Variants in GPC6 observed in about 807,000 individuals in gnomAD.
GPC6 encodes the protein glypican-6.
Under a neutral mutation model 55.2 loss-of-function variants are expected in GPC6, and 14 were observed. That is an observed-to-expected ratio of 0.25 (90% CI 0.17 to 0.40). The LOEUF (loss-of-function observed/expected upper bound fraction) is 0.40. Among genes scored for constraint, GPC6 ranks in the 10% least tolerant of loss-of-function variants. GPC6 has a pLI of 1.00. For missense variants in GPC6, 641 were observed against 708.5 expected (o/e 0.90, Z 1.08); for synonymous variants, 278 against 259.6 (o/e 1.07, Z -0.68).
chr13:93,322,567 G>A (rs1439687555), intron 1 of GPC6, among the ~76,000 whole-genome samples: 2 of 150,476 alleles, frequency 1.3e-5, no homozygotes, highest in Non-Finnish European at 2.9e-5. Context: ...CTTCCCAGTA[G>A]CTGGGATTAC....
intron 4 of GPC6, among the ~76,000 whole-genome samples, chr13:94,160,750 G>C (rs144461186): frequency 2.6e-5 from 4 of 151,950 alleles, no homozygotes; most frequent in African/African-American, 4.8e-5. Flanking sequence ...TTTTTTCTTC[G>C]TTTCGTTCAT....
chr13:93,886,621 G>A (rs1377635036), intron 3 of GPC6, among the ~76,000 whole-genome samples: 1 of 151,976 alleles, frequency 6.6e-6, no homozygotes, highest in East Asian at 1.9e-4. Context: ...CATTCATATT[G>A]AAACTGACCT....
At chr13:93,323,987 C>T (rs1879550929) in intron 1 of GPC6, among the ~76,000 whole-genome samples, 1 of 152,110 alleles carries the variant, frequency 6.6e-6, no homozygotes, top group South Asian at 2.1e-4. Context: ...GAGATATCTG[C>T]ACAACCATGT....
intron 2 of GPC6, among the ~76,000 whole-genome samples, chr13:93,750,998 G>A (rs1884561613): frequency 6.6e-6 from 1 of 152,070 alleles, no homozygotes; most frequent in South Asian, 2.1e-4. Flanking sequence ...GCAAAAGGAG[G>A]GAGGAAAGCA....
intron 2 of GPC6, among the ~76,000 whole-genome samples, chr13:93,603,396 T>G (rs1878106352): frequency 6.6e-6 from 1 of 152,244 alleles, no homozygotes; most frequent in Admixed American, 6.5e-5. Context: ...GTATTTCAAT[T>G]AGTTGTTTTA....
chr13:93,285,636 G>GTGTGTGTGTGTGTGTGTGTGTGTA, intron 1 of GPC6, among the ~76,000 whole-genome samples: 1 of 149,226 alleles, frequency 6.7e-6, no homozygotes, highest in South Asian at 2.1e-4. Context: ...GTGTGTGTGT[G>GTGTGTGTGTGTGTGTGTGTGTGTA]TGTGTGTGTG....
intron 1 of GPC6, among the ~76,000 whole-genome samples, chr13:93,244,549 C>G (rs1046485556): frequency 1.3e-5 from 2 of 152,230 alleles, no homozygotes; most frequent in African/African-American, 4.8e-5. Flanking sequence ...CTTCCTTCTG[C>G]CCCTCCTGGC....
intron 1 of GPC6, among the ~76,000 whole-genome samples, chr13:93,518,722 A>G (rs1477372198): frequency 3.3e-5 from 5 of 151,986 alleles, no homozygotes; most frequent in African/African-American, 1.2e-4. Context: ...GGTAAATGCA[A>G]TAGGGCCTTT....
At chr13:93,980,315 G>A (rs1427176782) in intron 3 of GPC6, among the ~76,000 whole-genome samples, 3 of 152,172 alleles carry the variant, frequency 2.0e-5, no homozygotes, top group Non-Finnish European at 4.4e-5. Context: ...ATTTGAACAA[G>A]GTATTGATTA....
intron 1 of GPC6, among the ~76,000 whole-genome samples, chr13:93,382,433 G>C (rs1229354747): frequency 6.6e-6 from 1 of 152,148 alleles, no homozygotes; most frequent in Admixed American, 6.5e-5. Context: ...CTTCATCATA[G>C]TTAATGTAGA....
At chr13:93,698,983 TAGG>T (rs1882576824) in intron 2 of GPC6, among the ~76,000 whole-genome samples, 1 of 152,078 alleles carries the variant, frequency 6.6e-6, no homozygotes, top group Non-Finnish European at 1.5e-5. Context: ...CTTCAAGAAC[TAGG>T]AGAACTGAAA....
chr13:93,231,397 GTATATATATATATATATATATATATACGT>G (rs1876043077), intron 1 of GPC6, among the ~76,000 whole-genome samples: 3 of 45,856 alleles, frequency 6.5e-5, no homozygotes, highest in African/African-American at 2.0e-4. Flanking sequence ...ATATATATAT[GTATATATATATATATATATATATATACGT>G]ATATATATAT....
At chr13:93,847,199 C>T (rs1294551070) in intron 3 of GPC6, among the ~76,000 whole-genome samples, 2 of 152,074 alleles carry the variant, frequency 1.3e-5, no homozygotes, top group Non-Finnish European at 2.9e-5. Context: ...GGTTGCAAGT[C>T]ATCATGGATG....
intron 4 of GPC6, among the ~76,000 whole-genome samples, chr13:94,049,914 C>T (rs1883880743): frequency 6.6e-6 from 1 of 152,070 alleles, no homozygotes; most frequent in Non-Finnish European, 1.5e-5. Flanking sequence ...CCATACTGTT[C>T]TTATGGTAGT....
chr13:93,635,696 C>T (rs890660666), intron 2 of GPC6, among the ~76,000 whole-genome samples: 1 of 152,162 alleles, frequency 6.6e-6, no homozygotes, highest in Non-Finnish European at 1.5e-5. Flanking sequence ...CATATATTTT[C>T]CTGGCATGAT....
At chr13:93,980,243 A>G (rs1880734382) in intron 3 of GPC6, among the ~76,000 whole-genome samples, 1 of 152,178 alleles carries the variant, frequency 6.6e-6, no homozygotes, top group Non-Finnish European at 1.5e-5. Context: ...CAAGGTATCC[A>G]CATGGCTCAG....
At chr13:93,852,517 A>G (rs1888440428) in intron 3 of GPC6, among the ~76,000 whole-genome samples, 1 of 151,754 alleles carries the variant, frequency 6.6e-6, no homozygotes, top group Non-Finnish European at 1.5e-5. Context: ...TTTGTGGTAC[A>G]ATATGTCTAA....
intron 1 of GPC6, among the ~76,000 whole-genome samples, chr13:93,300,996 G>A (rs1468478386): frequency 1.3e-5 from 2 of 151,744 alleles, no homozygotes; most frequent in Non-Finnish European, 2.9e-5. Flanking sequence ...TCCGGCCTTG[G>A]CAACCAGAGA....
At chr13:93,743,816 C>T (rs1377490541) in intron 2 of GPC6, among the ~76,000 whole-genome samples, 1 of 151,914 alleles carries the variant, frequency 6.6e-6, no homozygotes, top group African/African-American at 2.4e-5. Context: ...ATTTAATATC[C>T]CTTGCTTTCA....
Sources: gnomAD v4.1 joint callset for allele counts (sites outside exome capture counted in the v4.1 genomes callset) on GRCh38, gnomAD v4.1.1 for gene constraint, MANE v1.5 for transcripts, NCBI Gene and HGNC (gene_info 2026-07-23, HGNC 2026-07-21) for gene names.